MAP2K4: variants seen among roughly 807,000 people sequenced by gnomAD.
MAP2K4 encodes mitogen-activated protein kinase kinase 4.
In MAP2K4, 4 loss-of-function variants were observed where a neutral mutation model predicts 48.5. That is an observed-to-expected ratio of 0.08 (90% CI 0.04 to 0.19). The LOEUF (loss-of-function observed/expected upper bound fraction) is 0.19, where lower values mean the gene tolerates loss of function less well. MAP2K4 is among the 10% of genes least tolerant of loss of function. The pLI, the probability that MAP2K4 is intolerant of heterozygous loss-of-function variation, is 1.00. For missense variants in MAP2K4, 258 were observed against 493.3 expected (o/e 0.52, Z 4.52); for synonymous variants, 166 against 173.1 (o/e 0.96, Z 0.32).
chr17:12,125,414 T>A lies in MAP2K4; in HGVS notation c.891+43T>A, dbSNP rs28921068. 15 of 1,512,014 alleles carry A rather than the reference T, an allele frequency of 9.9e-6. No individual in the cohort carries two copies. In the East Asian group the frequency reaches 2.5e-4, roughly 25 times the overall value. 93.7% of individuals were successfully genotyped at this position (1,512,014 alleles called of 1,614,324 possible). A position where few individuals can be genotyped will look rare whatever the true frequency, so the allele number is the denominator to read the frequency against. ...CAACCTTGCCACAGTAGCGTAACAATAAGAAATTTAGAAGTGAAAGAAAAC... is the reference window on the plus strand; with the variant it reads ...CAACCTTGCCACAGTAGCGTAACAAAAAGAAATTTAGAAGTGAAAGAAAAC... On this transcript the variant is annotated intron_variant, in intron 8 of 10. Transcript: ENST00000353533.
At chr17:12,066,607 G>A (rs757728048) in intron 2 of MAP2K4, among the ~76,000 whole-genome samples, 1 of 152,020 alleles carries the variant, frequency 6.6e-6, no homozygotes, top group Admixed American at 6.5e-5. Context: ...TCAGCTCACC[G>A]CAACCTCCAC....
chr17:12,047,168 T>G (rs984751370), intron 1 of MAP2K4, among the ~76,000 whole-genome samples: 3 of 152,186 alleles, frequency 2.0e-5, no homozygotes, highest in Admixed American at 1.3e-4. Context: ...ATTTTGTTTT[T>G]TTTTTCCTTG....
chr17:12,095,424 A>G (rs1467883509), intron 3 of MAP2K4, 151 bp from the exon 4 acceptor site: 8 of 805,126 alleles, frequency 9.9e-6, no homozygotes, highest in Non-Finnish European at 2.1e-6. Flanking sequence ...TGTGAAGTAT[A>G]AGGAAAGATG....
rs577941438 is a variant in MAP2K4 at position 12,081,953 on chromosome 17, A to G, written c.393+423A>G. ...GCAGTCTTACTGAAGGTTTCCTGGAAACCACGCACATGCTGTTGCCACTAA... is the reference window on the plus strand; with the variant it reads ...GCAGTCTTACTGAAGGTTTCCTGGAGACCACGCACATGCTGTTGCCACTAA... On this transcript the variant is annotated intron_variant, in intron 3 of 10. Transcript: ENST00000353533. This position sits in a 1 kb window ranked among gnomAD's most constrained non-coding sequence, Gnocchi z 4.2. The G allele has an allele frequency of 2.2e-5, 12 of 534,120 alleles. 1 individual carries two copies. Among genetic ancestry groups the G allele is most frequent in the South Asian group, 1.7e-4 (12 of 71,018 alleles). 33.1% of individuals were successfully genotyped at this position (534,120 alleles called of 1,614,324 possible).
At chr17:12,097,229 T>G (rs1265013162) in intron 4 of MAP2K4, among the ~76,000 whole-genome samples, 1 of 152,252 alleles carries the variant, frequency 6.6e-6, no homozygotes, top group Non-Finnish European at 1.5e-5. Flanking sequence ...AATTAGGGAC[T>G]GAACTAGATT....
intron 1 of MAP2K4, among the ~76,000 whole-genome samples, chr17:12,046,378 ATGT>A (rs1325757922): frequency 6.6e-6 from 1 of 152,178 alleles, no homozygotes; most frequent in Admixed American, 6.5e-5. Flanking sequence ...GGTGATTAAA[ATGT>A]TGTTAAATTT....
intron 3 of MAP2K4, among the ~76,000 whole-genome samples, chr17:12,089,979 T>C (rs777931937): frequency 2.0e-5 from 3 of 152,216 alleles, no homozygotes; most frequent in Non-Finnish European, 4.4e-5. Flanking sequence ...AGTTCTTGAT[T>C]CCTTACATGT....
At position 12,125,184 on chromosome 17, in the gene MAP2K4, T is replaced by C. The variant is rs1232398916; in HGVS notation, c.814-110T>C. ...CTTCCATTCTGACGCTAGACATGGA[T>C]TCCTCTAGGAATATACTGGCATTTT... On this transcript the variant is annotated intron_variant, in intron 7 of 10. Coordinates refer to ENST00000353533, the MANE Select transcript of MAP2K4 (RefSeq NM_003010.4). 1.5e-5 allele frequency: 11 copies of C among 751,834 alleles called. 1 individual carries two copies. Among genetic ancestry groups the C allele is most frequent in the South Asian group, 1.0e-4 (7 of 69,062 alleles). 46.6% of individuals were successfully genotyped at this position (751,834 alleles called of 1,614,324 possible).
At chr17:12,033,885 G>C (rs1029866542) in intron 1 of MAP2K4, among the ~76,000 whole-genome samples, 3 of 152,148 alleles carry the variant, frequency 2.0e-5, no homozygotes, top group Non-Finnish European at 2.9e-5. Context: ...CAATTCCTGG[G>C]TTCAAGTGAT....
intron 4 of MAP2K4, among the ~76,000 whole-genome samples, chr17:12,105,037 C>T (rs1162727809): frequency 6.6e-6 from 1 of 152,036 alleles, no homozygotes; most frequent in South Asian, 2.1e-4. Flanking sequence ...TATCAGATTT[C>T]TGTCTGTGCA....
At chr17:12,043,767 A>G (rs1266633483) in intron 1 of MAP2K4, among the ~76,000 whole-genome samples, 1 of 152,110 alleles carries the variant, frequency 6.6e-6, no homozygotes, top group African/African-American at 2.4e-5. Flanking sequence ...TTCCGTGCAC[A>G]CTATCCTTGA....
chr17:12,133,360 G>A (rs1973096520), intron 9 of MAP2K4, among the ~76,000 whole-genome samples: 1 of 152,202 alleles, frequency 6.6e-6, no homozygotes, highest in Non-Finnish European at 1.5e-5. Flanking sequence ...GGGATTACAG[G>A]CGTGAGCCAC....
intron 3 of MAP2K4, chr17:12,082,095 G>A (rs1009271108): frequency 1.5e-5 from 5 of 322,588 alleles, no homozygotes; most frequent in African/African-American, 1.1e-4. Flanking sequence ...TTGTGATAAT[G>A]TTGTCACATT....
intron 2 of MAP2K4, among the ~76,000 whole-genome samples, chr17:12,059,791 G>A (rs1027291346): frequency 1.3e-5 from 2 of 152,248 alleles, no homozygotes; most frequent in East Asian, 3.9e-4. Context: ...TTCTTGATGA[G>A]CCTTCTCAGT....
At chr17:12,135,705 A>C (rs915224639) in intron 9 of MAP2K4, among the ~76,000 whole-genome samples, 1 of 151,336 alleles carries the variant, frequency 6.6e-6, no homozygotes, top group Non-Finnish European at 1.5e-5. Flanking sequence ...ACGCACCACC[A>C]CTCCCAGCTA....
At chr17:12,122,894 A>G (rs564304295) in intron 7 of MAP2K4, among the ~76,000 whole-genome samples, 17 of 152,246 alleles carry the variant, frequency 1.1e-4, no homozygotes, top group African/African-American at 3.4e-4. Context: ...TGAGATGATC[A>G]CATTATTTTC....
chr17:12,061,395 A>G (rs1016527300), intron 2 of MAP2K4, among the ~76,000 whole-genome samples: 8 of 152,226 alleles, frequency 5.3e-5, no homozygotes, highest in Non-Finnish European at 4.4e-5. Context: ...GCTGTGGTAC[A>G]CTTCCATAAG....
At chr17:12,061,761 C>G (rs1193880859) in intron 2 of MAP2K4, among the ~76,000 whole-genome samples, 1 of 152,128 alleles carries the variant, frequency 6.6e-6, no homozygotes, top group East Asian at 1.9e-4. Flanking sequence ...CATTTCTAAT[C>G]AGGCAGTTAT....
chr17:12,094,760 C>A (rs573863909), intron 3 of MAP2K4, among the ~76,000 whole-genome samples: 2 of 152,170 alleles, frequency 1.3e-5, no homozygotes, highest in African/African-American at 4.8e-5. Context: ...TTCTGGCAGT[C>A]TCTTAGAAAT....
Sources: allele counts gnomAD v4.1 joint callset (sites outside exome capture counted in the v4.1 genomes callset), GRCh38; gene constraint gnomAD v4.1.1; non-coding constraint Gnocchi (gnomAD v3.1); transcripts MANE v1.5; gene names NCBI Gene and HGNC (gene_info 2026-07-23, HGNC 2026-07-21).